FAM168A: variants seen among roughly 807,000 people sequenced by gnomAD.
FAM168A encodes the protein family with sequence similarity 168 member A.
A neutral mutation model predicts 28.5 loss-of-function variants in FAM168A; 3 were observed. The ratio of observed to expected loss-of-function variants is 0.11; its 90% CI spans 0.05 to 0.27. The LOEUF is 0.27. Among genes scored for constraint, FAM168A ranks in the 10% least tolerant of loss-of-function variants. The probability of loss-of-function intolerance (pLI) is 1.00; values close to 1 mark genes in which losing one functional copy is unlikely to be tolerated. For synonymous variants in FAM168A, 122 were observed against 124.2 expected (o/e 0.98, Z 0.12); for missense variants, 222 against 311.5 (o/e 0.71, Z 2.16).
chr11:73,468,316 G>A, intron 2 of FAM168A, 89 bp downstream of exon 2: 2 of 1,220,334 alleles, frequency 1.6e-6, no homozygotes, highest in Non-Finnish European at 2.4e-6. Flanking sequence ...CAAGACTTTT[G>A]GAGGTATACG....
chr11:73,412,330 C>G (rs1866627194), intron 4 of FAM168A: 1 of 152,228 alleles, frequency 6.6e-6, no homozygotes, highest in African/African-American at 2.4e-5. Context: ...CAAAGATTCA[C>G]ATCAACCTGG....
chr11:73,564,849 G>A (rs576790280), intron 1 of FAM168A, among the ~76,000 whole-genome samples: 1 of 150,068 alleles, frequency 6.7e-6, no homozygotes, highest in African/African-American at 2.5e-5. Context: ...TTAAAACAAC[G>A]TGTCAGAGTG....
intron 1 of FAM168A, among the ~76,000 whole-genome samples, chr11:73,501,456 G>A (rs1301711770): frequency 6.6e-6 from 1 of 152,154 alleles, no homozygotes; most frequent in Non-Finnish European, 1.5e-5. Flanking sequence ...ACACTTCTCA[G>A]CAAAAGCAAA....
Position 73,407,559 on chromosome 11 carries a change from G to A in FAM168A, c.680C>T (p.Ala227Val), listed in dbSNP as rs756898716. Residue 227 changes from alanine to valine, a missense_variant, in exon 7 of 8, where the codon GCG (alanine) becomes GTG (valine). Ala to Val is a moderately conservative substitution (Grantham distance 64). Transcript: ENST00000356467. ...MPTYRAQGTP[A>V]YSYVPPHW ...CCAGTGTGGGGGCACGTAGCTGTAC[G>A]CAGGGGTTCCTTGGGCCCTATATGT... 32 of 1,604,648 alleles carry A rather than the reference G, an allele frequency of 2.0e-5. No individual in the cohort carries two copies. Among genetic ancestry groups the A allele is most frequent in the African/African-American group, 2.7e-5 (2 of 74,290 alleles).
chr11:73,434,813 G>C (rs2134518396), intron 2 of FAM168A, among the ~76,000 whole-genome samples: 1 of 152,328 alleles, frequency 6.6e-6, no homozygotes, highest in African/African-American at 2.4e-5. Context: ...GGGTAGAGAA[G>C]CATAGCAATC....
At chr11:73,451,768 A>G (rs1867435017) in intron 2 of FAM168A, among the ~76,000 whole-genome samples, 1 of 152,190 alleles carries the variant, frequency 6.6e-6, no homozygotes, top group South Asian at 2.1e-4. Context: ...GTGTAAGTAC[A>G]CTCCATTATA....
intron 1 of FAM168A, among the ~76,000 whole-genome samples, chr11:73,475,961 A>G (rs986799571): frequency 9.2e-5 from 14 of 152,188 alleles, no homozygotes; most frequent in African/African-American, 3.1e-4. Context: ...CTGAGGTCAT[A>G]CTAGTTGGTG....
At chr11:73,575,334 T>C (rs570543474) in intron 1 of FAM168A, among the ~76,000 whole-genome samples, 2 of 152,346 alleles carry the variant, frequency 1.3e-5, no homozygotes, top group South Asian at 2.1e-4. Context: ...CATCTGATGA[T>C]AGGTATTAAT....
chr11:73,428,091 C>T (rs900067278), intron 3 of FAM168A, among the ~76,000 whole-genome samples: 1 of 152,148 alleles, frequency 6.6e-6, no homozygotes, highest in African/African-American at 2.4e-5. Context: ...TTCCTTTAGT[C>T]TTTCCTTTAG....
intron 1 of FAM168A, among the ~76,000 whole-genome samples, chr11:73,516,371 T>C (rs1053557473): frequency 6.6e-6 from 1 of 152,114 alleles, no homozygotes; most frequent in Non-Finnish European, 1.5e-5. Flanking sequence ...GTCAAAATAA[T>C]TAAATGAGAG....
rs58965711 is a variant in FAM168A at position 73,553,461 on chromosome 11, G to C, written c.-19+44462C>G. Among the ~76,000 whole-genome samples, 1,490 of 152,250 alleles carry C rather than the reference G, an allele frequency of 9.8e-3. 29 individuals carry two copies. Among genetic ancestry groups the C allele is most frequent in the African/African-American group, 0.033 (1,388 of 41,524 alleles). On this transcript the variant is annotated intron_variant, in intron 1 of 7. Transcript: ENST00000356467. ...GAGCATAGAGAAAGCAATTAAGTCT[G>C]ACTAATAAGAGGATAAAGCCCTCAC... is the stretch of plus-strand genomic sequence containing the variant.
intron 1 of FAM168A, among the ~76,000 whole-genome samples, chr11:73,473,290 C>CT (rs1867840545): frequency 6.6e-6 from 1 of 152,168 alleles, no homozygotes; most frequent in Non-Finnish European, 1.5e-5. Context: ...GTCCAAGTTA[C>CT]TTTCACTGTA....
chr11:73,580,399 G>C, intron 1 of FAM168A: 1 of 620,252 alleles, frequency 1.6e-6, no homozygotes, highest in Non-Finnish European at 3.1e-6. Context: ...AGAAGGGAGA[G>C]AAGGTACCCA....
At chr11:73,593,252 C>A (rs1176804333) in intron 1 of FAM168A, among the ~76,000 whole-genome samples, 1 of 151,936 alleles carries the variant, frequency 6.6e-6, no homozygotes, top group Non-Finnish European at 1.5e-5. Context: ...CTAGAAATCT[C>A]CTTTTTGTTA....
rs145639411 is a variant in FAM168A at position 73,486,852 on chromosome 11, G to A, written c.-18-18360C>T. ...AATGCTTAGCATAAGCTACTCATCTGTTTTGGTATCCCTAAACATATTTTC... is the reference window on the plus strand; with the variant it reads ...AATGCTTAGCATAAGCTACTCATCTATTTTGGTATCCCTAAACATATTTTC... On this transcript the variant is annotated intron_variant, in intron 1 of 7. Transcript: ENST00000356467. Among the ~76,000 whole-genome samples the A allele has an allele frequency of 1.5e-3, 235 of 152,324 alleles. 10 individuals are homozygous for A. The highest frequency in any genetic ancestry group is 1.5e-3 in the South Asian group (7 of 4,822).
intron 1 of FAM168A, among the ~76,000 whole-genome samples, chr11:73,567,690 T>C (rs1944037165): frequency 6.6e-6 from 1 of 152,200 alleles, no homozygotes; most frequent in Non-Finnish European, 1.5e-5. Context: ...AGATAATGAA[T>C]GAGATGCTGG....
At chr11:73,570,699 A>G (rs1944075662) in intron 1 of FAM168A, among the ~76,000 whole-genome samples, 1 of 151,234 alleles carries the variant, frequency 6.6e-6, no homozygotes. Flanking sequence ...ACGTCACTGT[A>G]CTCCAGCCTG....
intron 2 of FAM168A, among the ~76,000 whole-genome samples, chr11:73,466,242 A>T (rs968609394): frequency 6.6e-6 from 1 of 152,208 alleles, no homozygotes; most frequent in Non-Finnish European, 1.5e-5. Flanking sequence ...CTCAAAGGGA[A>T]GCTTTCCTAG....
chr11:73,547,085 G>GAAAAAAAAAA (rs953416694), intron 1 of FAM168A, among the ~76,000 whole-genome samples: 1 of 53,570 alleles, frequency 1.9e-5, no homozygotes, highest in Non-Finnish European at 4.2e-5. Context: ...AGAAGTTCAA[G>GAAAAAAAAAA]AAAAAAAAAA....
Sources: allele counts gnomAD v4.1 joint callset (sites outside exome capture counted in the v4.1 genomes callset), GRCh38; gene constraint gnomAD v4.1.1; transcripts MANE v1.5; gene names NCBI Gene and HGNC (gene_info 2026-07-23, HGNC 2026-07-21).